KCTD8: variants seen among roughly 807,000 people sequenced by gnomAD.
KCTD8 encodes BTB/POZ domain-containing protein KCTD8.
Under a neutral mutation model 31.5 loss-of-function variants are expected in KCTD8, and 27 were observed. That is an observed-to-expected ratio of 0.86 (90% CI 0.63 to 1.18). The LOEUF (loss-of-function observed/expected upper bound fraction) is 1.18. Ranked by LOEUF, KCTD8 falls within the 50% of genes most tolerant of loss-of-function variation. The pLI is 0.00. For synonymous variants in KCTD8, 290 were observed against 280.0 expected (o/e 1.04, Z -0.36); for missense variants, 658 against 647.7 (o/e 1.02, Z -0.17).
intron 1 of KCTD8, among the ~76,000 whole-genome samples, chr4:44,277,638 C>A (rs1314341040): frequency 6.6e-6 from 1 of 151,684 alleles, no homozygotes; most frequent in Non-Finnish European, 1.5e-5. Context: ...TGTTTTTCCT[C>A]GATAATTAAT....
intron 1 of KCTD8, among the ~76,000 whole-genome samples, chr4:44,404,630 G>A (rs1720741821): frequency 6.6e-6 from 1 of 152,200 alleles, no homozygotes; most frequent in African/African-American, 2.4e-5. Context: ...AGAAAGGGAA[G>A]TAAGGTGAAT....
intron 1 of KCTD8, among the ~76,000 whole-genome samples, chr4:44,191,176 A>T (rs918238461): frequency 1.3e-5 from 2 of 152,168 alleles, no homozygotes; most frequent in Non-Finnish European, 1.5e-5. Flanking sequence ...TGAAGATTTC[A>T]TGGAAATGTA....
At chr4:44,441,234 C>T (rs1182037687) in intron 1 of KCTD8, among the ~76,000 whole-genome samples, 1 of 125,238 alleles carries the variant, frequency 8.0e-6, no homozygotes, top group Non-Finnish European at 1.9e-5. Context: ...ACTCATACTA[C>T]TACTAAAAAA....
intron 1 of KCTD8, among the ~76,000 whole-genome samples, chr4:44,374,438 T>C (rs981127574): frequency 6.6e-6 from 1 of 152,184 alleles, no homozygotes; most frequent in African/African-American, 2.4e-5. Flanking sequence ...GCTTTCTCCA[T>C]ATCACTAATA....
chr4:44,329,685 T>C (rs769917477), intron 1 of KCTD8, among the ~76,000 whole-genome samples: 1 of 151,940 alleles, frequency 6.6e-6, no homozygotes, highest in Non-Finnish European at 1.5e-5. Context: ...TTTTGTAGTA[T>C]ATCATATATA....
Position 44,174,870 on chromosome 4 carries a change from T to C in KCTD8, c.1342A>G (p.Lys448Glu). The C allele has an allele frequency of 6.2e-7, 1 of 1,613,952 alleles. No homozygotes were observed. Among genetic ancestry groups the C allele is most frequent in the East Asian group, 2.2e-5 (1 of 44,886 alleles). ...AAATAATCTGGAATGTGGATTTTTT[T>C]AAAATCCTGAATACACTTTTTCATT... ...EEMKKCIQDF[K>E]KIHIPDYFPE... Residue 448 changes from lysine (K) to glutamate (E), a missense_variant, in exon 2 of 2, where the codon AAA becomes GAA. Physicochemically the swap from Lys to Glu is moderately conservative, Grantham distance 56. Transcript: ENST00000360029.
intron 1 of KCTD8, among the ~76,000 whole-genome samples, 175 bp from the exon 2 acceptor site, chr4:44,175,425 T>C (rs1263849589): frequency 6.6e-6 from 1 of 152,224 alleles, no homozygotes; most frequent in African/African-American, 2.4e-5. Context: ...CTAGGGTCTT[T>C]AGTGTACATT....
chr4:44,197,254 G>A (rs905124088), intron 1 of KCTD8, among the ~76,000 whole-genome samples: 3 of 152,158 alleles, frequency 2.0e-5, no homozygotes, highest in South Asian at 2.1e-4. Context: ...CAGAGGAGGA[G>A]GGTATGCCTC....
intron 1 of KCTD8, among the ~76,000 whole-genome samples, chr4:44,381,517 T>C (rs1302229665): frequency 1.3e-5 from 2 of 152,150 alleles, no homozygotes; most frequent in African/African-American, 4.8e-5. Context: ...GGAATAGCTA[T>C]ACTTAAGTCA....
chr4:44,363,000 T>C (rs1311756784), intron 1 of KCTD8, among the ~76,000 whole-genome samples: 1 of 152,068 alleles, frequency 6.6e-6, no homozygotes, highest in Non-Finnish European at 1.5e-5. Flanking sequence ...AAAATAAGCA[T>C]GTTGTTATAT....
chr4:44,264,923 G>A (rs1716296612), intron 1 of KCTD8, among the ~76,000 whole-genome samples: 1 of 152,206 alleles, frequency 6.6e-6, no homozygotes, highest in South Asian at 2.1e-4. Flanking sequence ...ACAGCTCAAG[G>A]AGGCCTGCCT....
chr4:44,248,025 C>G (rs1347058844), intron 1 of KCTD8, among the ~76,000 whole-genome samples: 1 of 151,802 alleles, frequency 6.6e-6, no homozygotes, highest in African/African-American at 2.4e-5. Context: ...TACAATAGTT[C>G]TTTTACTGTT....
At chr4:44,272,121 T>TTATATATATA (rs34459205) in intron 1 of KCTD8, among the ~76,000 whole-genome samples, 1 of 142,526 alleles carries the variant, frequency 7.0e-6, no homozygotes. Flanking sequence ...TGGTATTATA[T>TTATATATATA]TATATATATA....
chr4:44,225,087 C>T (rs1379713179), intron 1 of KCTD8, among the ~76,000 whole-genome samples: 5 of 152,186 alleles, frequency 3.3e-5, no homozygotes, highest in Admixed American at 6.5e-5. Flanking sequence ...GACTCTTTGA[C>T]GGGCAGTTAG....
At chr4:44,431,379 C>T (rs1202469850) in intron 1 of KCTD8, among the ~76,000 whole-genome samples, 4 of 151,380 alleles carry the variant, frequency 2.6e-5, no homozygotes, top group African/African-American at 4.8e-5. Context: ...CTATTATCTT[C>T]GGGATAAAGA....
intron 1 of KCTD8, among the ~76,000 whole-genome samples, chr4:44,280,699 T>C (rs1716882414): frequency 6.6e-6 from 1 of 152,036 alleles, no homozygotes; most frequent in African/African-American, 2.4e-5. Context: ...TTTTTCACTC[T>C]AGAAGTTTCT....
At chr4:44,179,189 T>C (rs1713303938) in intron 1 of KCTD8, among the ~76,000 whole-genome samples, 1 of 152,094 alleles carries the variant, frequency 6.6e-6, no homozygotes, top group Non-Finnish European at 1.5e-5. Flanking sequence ...AAATTTTCTT[T>C]GCCACCTTCG....
At position 44,335,974 on chromosome 4, in the gene KCTD8, C is replaced by A. The variant is rs1283103814; in HGVS notation, c.961+111589G>T. 4.0e-5 allele frequency among the ~76,000 whole-genome samples: 6 copies of A among 150,524 alleles called. No homozygotes were observed. In the East Asian group the frequency reaches 7.8e-4, roughly 20 times the overall value. On this transcript the variant is annotated intron_variant, in intron 1 of 1. Transcript: ENST00000360029. ...GACCATCCTGGCTAAAACGGTGAAACCCCGTCTCTACTAAAAATACAAAAA... is the reference window on the plus strand; with the variant it reads ...GACCATCCTGGCTAAAACGGTGAAAACCCGTCTCTACTAAAAATACAAAAA...
rs1293576172 is a variant in KCTD8 at position 44,387,804 on chromosome 4, C to T, written c.961+59759G>A. Among the ~76,000 whole-genome samples, 4 of 151,854 alleles carry T rather than the reference C, an allele frequency of 2.6e-5. No individual in the cohort carries two copies. In the East Asian group the frequency reaches 7.8e-4, roughly 30 times the overall value. On this transcript the variant is annotated intron_variant, in intron 1 of 1. Coordinates refer to ENST00000360029, the MANE Select transcript of KCTD8 (RefSeq NM_198353.3). ...GGCAATGTCATTCAGGACATAGGCA[C>T]AGGCAAAGATTTCATGATGAAGATG... is the stretch of plus-strand genomic sequence containing the variant.
Sources: gnomAD v4.1 joint callset for allele counts (sites outside exome capture counted in the v4.1 genomes callset) on GRCh38, gnomAD v4.1.1 for gene constraint, MANE v1.5 for transcripts, NCBI Gene and HGNC (gene_info 2026-07-23, HGNC 2026-07-21) for gene names.